MSC: variants seen among roughly 807,000 people sequenced by gnomAD.
MSC encodes the protein musculin, also known as activated B-cell factor 1, homolog of mouse musculin.
In MSC, 16 loss-of-function variants were observed where a neutral mutation model predicts 14.4. The observed-to-expected ratio is 1.11, with a 90% confidence interval of 0.75 to 1.69. The LOEUF is 1.69. MSC is among the 40% of genes most tolerant of loss of function. The probability of loss-of-function intolerance (pLI) is 0.00; values close to 1 mark genes in which losing one functional copy is unlikely to be tolerated. For synonymous variants in MSC, 165 were observed against 128.5 expected, an observed-to-expected ratio of 1.28 and a Z score of -1.92; for missense variants, 320 against 288.1, an observed-to-expected ratio of 1.11 and a Z score of -0.80.
Position 71,843,738 on chromosome 8 carries a change from G to T in MSC, c.441C>A (p.Asp147Glu). The T allele has an allele frequency of 6.2e-7, 1 of 1,614,082 alleles. No homozygotes were observed. The highest frequency in any genetic ancestry group is 2.2e-5 in the East Asian group (1 of 44,898). Residue 147 changes from aspartate to glutamate, a missense_variant, in exon 1 of 2, where the codon GAC becomes GAA. Physicochemically the swap from Asp to Glu is conservative, Grantham distance 45 (BLOSUM62 2). Transcript: ENST00000325509. The part of the protein sequence containing the change: ...VPPDTKLSKL[D>E]TLRLASSYIA... ...TGTAACTGGAAGCCAGCCGGAGCGTGTCCAGCTTGGAGAGCTTAGTGTCGG... is the reference window on the plus strand; with the variant it reads ...TGTAACTGGAAGCCAGCCGGAGCGTTTCCAGCTTGGAGAGCTTAGTGTCGG...
At position 71,842,283 on chromosome 8, in the gene MSC, G is replaced by A. The variant is rs1807397831; in HGVS notation, c.*378C>T. On this transcript the variant is annotated 3_prime_UTR_variant, in exon 2 of 2. Transcript: ENST00000325509. ...CGAAAGGCCGGGGCTGTGTGGAACC[G>A]TCCCGCACGTGTGCGATGAATCTGG... 1 of 300,486 alleles carries A rather than the reference G, an allele frequency of 3.3e-6. No homozygotes were observed. The highest frequency in any genetic ancestry group is 4.1e-5 in the Admixed American group (1 of 24,542). 18.6% of individuals were successfully genotyped at this position (300,486 alleles called of 1,614,324 possible).
rs889461929 is a variant in MSC, at chr8:71,844,009, T to C, written c.170A>G (p.Glu57Gly). The C allele has an allele frequency of 1.3e-5, 21 of 1,573,732 alleles. No individual in the cohort carries two copies. The highest frequency in any genetic ancestry group is 1.7e-5 in the Non-Finnish European group (20 of 1,161,186). Residue 57 changes from glutamate to glycine, a missense_variant, in exon 1 of 2, where the codon GAG (glutamate) becomes GGG (glycine). By Grantham distance (98) the Glu-to-Gly change is moderately conservative. Transcript: ENST00000325509. ...AEEEDPDGEE[E>G]RCALGTAGSA... ...GCCGGCTGTGCCCAGAGCGCAGCGCTCCTCCTCGCCGTCGGGGTCCTCCTC... is the reference window on the plus strand; with the variant it reads ...GCCGGCTGTGCCCAGAGCGCAGCGCCCCTCCTCGCCGTCGGGGTCCTCCTC...
rs1807467063 is a variant in MSC at position 71,844,411 on chromosome 8, G to A, written c.-233C>T. On this transcript the variant is annotated 5_prime_UTR_variant, in exon 1 of 2. Transcript: ENST00000325509. Reference sequence around the variant, plus strand: ...GAGTTGGCGCCCAAGTCCAGAATCCGCGCGCACCGCGGTAAGCTGCGCCTT... The same window carrying A: ...GAGTTGGCGCCCAAGTCCAGAATCCACGCGCACCGCGGTAAGCTGCGCCTT... 1 of 703,400 alleles carries A rather than the reference G, an allele frequency of 1.4e-6. No homozygotes were observed. Among genetic ancestry groups the A allele is most frequent in the Non-Finnish European group, 2.6e-6 (1 of 389,278 alleles). The allele number at this position is 703,400 out of a possible 1,614,324, so 43.6% of individuals were successfully genotyped here. A position where few individuals can be genotyped will look rare whatever the true frequency, so the allele number is the denominator to read the frequency against.
rs1039458282 is a variant in MSC, at chr8:71,842,520, G to T, written c.*141C>A. ...GACAGCCACACCCGCCACCTGTCACGATCACAGTTCCAGGGAAAGGGGAAG... is the reference window on the plus strand; with the variant it reads ...GACAGCCACACCCGCCACCTGTCACTATCACAGTTCCAGGGAAAGGGGAAG... On this transcript the variant is annotated 3_prime_UTR_variant, in exon 2 of 2. Transcript: ENST00000325509. 12 of 848,554 alleles carry T rather than the reference G, an allele frequency of 1.4e-5. No homozygotes were observed. In the Admixed American group the frequency reaches 1.6e-4, roughly 11 times the overall value. 52.6% of individuals were successfully genotyped at this position (848,554 alleles called of 1,614,324 possible). A position where few individuals can be genotyped will look rare whatever the true frequency, so the allele number is the denominator to read the frequency against.
At chr8:71,842,961 G>A (rs1023525132) in intron 1 of MSC, 1 of 499,258 alleles carries the variant, frequency 2.0e-6, no homozygotes, top group African/African-American at 2.0e-5. Context: ...CTTCTTCCTG[G>A]ACTTTGCCCG....
intron 1 of MSC, 52 bp from the exon 2 acceptor site, chr8:71,842,799 C>A (rs529650906): frequency 2.6e-6 from 4 of 1,526,600 alleles, no homozygotes; most frequent in East Asian, 2.3e-5. Flanking sequence ...TGTCTCAAAC[C>A]GAAACAGCTC....
At position 71,843,788 on chromosome 8, in the gene MSC, T is replaced by G; in HGVS notation, c.391A>C (p.Lys131Gln). 1 of 1,613,918 alleles carries G rather than the reference T, an allele frequency of 6.2e-7. No individual in the cohort carries two copies. Among genetic ancestry groups the G allele is most frequent in the East Asian group, 2.2e-5 (1 of 44,882 alleles). The part of the protein sequence containing the change: ...RVLSKAFSRL[K>Q]TSLPWVPPDT... ...GGGGGCACCCAGGGCAGGCTGGTCT[T>G]GAGCCTGGAGAAGGCTTTGCTCAGC... The change falls in exon 1 of 2, where the codon AAG becomes CAG. Residue 131 changes from lysine (K) to glutamine (Q), a missense_variant. By Grantham distance (53) the Lys-to-Gln change is moderately conservative (BLOSUM62 1). Transcript: ENST00000325509.
rs1807458958 is a variant in MSC, at chr8:71,844,121, C to T, written c.58G>A (p.Glu20Lys). 6.6e-7 allele frequency: 1 copy of T among 1,525,006 alleles called. No individual in the cohort carries two copies. The highest frequency in any genetic ancestry group is 1.4e-5 in the African/African-American group (1 of 72,132). The allele number at this position is 1,525,006 out of a possible 1,614,324, so 94.5% of individuals were successfully genotyped here. A position where few individuals can be genotyped will look rare whatever the true frequency, so the allele number is the denominator to read the frequency against. ...CTCTTGGAGGCGGGGACCGGGTACT[C>T]CCGCTGCAGCCCCCGAAGCTCCATC... is the stretch of plus-strand genomic sequence containing the variant. ...EEMELRGLQREYPVPASKRPP... is the reference protein window; with the variant it reads ...EEMELRGLQRKYPVPASKRPP... Residue 20 changes from glutamate (E) to lysine (K), a missense_variant, in exon 1 of 2, where the codon GAG (glutamate) becomes AAG (lysine). Transcript: ENST00000325509.
chr8:71,841,910 A>G lies in MSC; in HGVS notation c.*751T>C. On this transcript the variant is annotated 3_prime_UTR_variant, in exon 2 of 2. Coordinates refer to ENST00000325509, the MANE Select transcript of MSC (RefSeq NM_005098.4). ...GGGCTTGGGGAGGCTTCAGCCCAGAAGTGGAGAGGGTTGACAGACGCCTGC... is the reference window on the plus strand; with the variant it reads ...GGGCTTGGGGAGGCTTCAGCCCAGAGGTGGAGAGGGTTGACAGACGCCTGC... 6.5e-6 allele frequency: 1 copy of G among 152,748 alleles called. No individual in the cohort carries two copies. Among genetic ancestry groups the G allele is most frequent in the Non-Finnish European group, 1.5e-5 (1 of 68,354 alleles). The allele number at this position is 152,748 out of a possible 1,614,324, so 9.5% of individuals were successfully genotyped here. A position where few individuals can be genotyped will look rare whatever the true frequency, so the allele number is the denominator to read the frequency against.
At position 71,843,918 on chromosome 8, in the gene MSC, C is replaced by G; in HGVS notation, c.261G>C (p.Ala87=). The change falls in exon 1 of 2, where the codon GCG becomes GCC. Residue 87 remains alanine, a synonymous_variant. Transcript: ENST00000325509. ...GGAGGGGCTTCTTGCCACCACCGCC[C>G]GCGCTACCACCTGCGCCGCCGCCCC... ...VAGGGGAGGS[A]GGGGKKPLPA... is the part of the protein sequence containing the mutation. The G allele has an allele frequency of 4.4e-6, 7 of 1,579,462 alleles. No homozygotes were observed. Among genetic ancestry groups the G allele is most frequent in the Non-Finnish European group, 6.0e-6 (7 of 1,164,680 alleles).
At position 71,844,389 on chromosome 8, in the gene MSC, T is replaced by C; in HGVS notation, c.-211A>G. 2 of 743,328 alleles carry C rather than the reference T, an allele frequency of 2.7e-6. No homozygotes were observed. The highest frequency in any genetic ancestry group is 4.5e-4 in the Middle Eastern group (2 of 4,422). The allele number at this position is 743,328 out of a possible 1,614,324, so 46.0% of individuals were successfully genotyped here. ...GACCCCGGGGAGCGTGGACTACGAG[T>C]TGGCGCCCAAGTCCAGAATCCGCGC... On this transcript the variant is annotated 5_prime_UTR_variant, in exon 1 of 2. Transcript: ENST00000325509.
intron 1 of MSC, chr8:71,843,432 C>G: frequency 1.4e-6 from 1 of 699,954 alleles, no homozygotes; most frequent in Non-Finnish European, 2.6e-6. Context: ...ATGTTCAGAA[C>G]GATGCAAACA....
Position 71,844,336 on chromosome 8 carries a change from G to C in MSC, c.-158C>G. 1 of 1,080,900 alleles carries C rather than the reference G, an allele frequency of 9.3e-7. No homozygotes were observed. Among genetic ancestry groups the C allele is most frequent in the South Asian group, 1.3e-5 (1 of 74,290 alleles). 67.0% of individuals were successfully genotyped at this position (1,080,900 alleles called of 1,614,324 possible). On this transcript the variant is annotated 5_prime_UTR_variant, in exon 1 of 2. Transcript: ENST00000325509. The stretch of plus-strand genomic sequence containing the variant: ...AGCGCGGGGTGAGAAAGCGAGGTGG[G>C]TGGCGAGAGCGTGAGCGCCCCTCTG...
chr8:71,842,882 C>G (rs1248482475), intron 1 of MSC, 135 bp from the exon 2 acceptor site: 1 of 779,682 alleles, frequency 1.3e-6, no homozygotes, highest in African/African-American at 1.7e-5. Flanking sequence ...ATTTGCATGT[C>G]CTCTCTCTGA....
At position 71,844,171 on chromosome 8, in the gene MSC, G is replaced by A; in HGVS notation, c.8C>T (p.Thr3Met). MS[T>M]GSVSDPEEME... ...CTCCTCCGGATCACTCACCGAGCCC[G>A]TGGACATCCCGTTGTCCCCCTTGCC... The change falls in exon 1 of 2, where the codon ACG becomes ATG. Residue 3 changes from threonine (T) to methionine (M), a missense_variant. Transcript: ENST00000325509. The A allele has an allele frequency of 6.4e-7, 1 of 1,563,580 alleles. No individual in the cohort carries two copies. Among genetic ancestry groups the A allele is most frequent in the Non-Finnish European group, 8.7e-7 (1 of 1,153,404 alleles).
intron 1 of MSC, chr8:71,843,118 T>C (rs1166360713): frequency 5.9e-6 from 2 of 336,604 alleles, no homozygotes; most frequent in Non-Finnish European, 1.1e-5. Context: ...GAACTGGGCT[T>C]GGACAGGATT....
chr8:71,844,151 C>T lies in MSC; in HGVS notation c.28G>A (p.Glu10Lys). The T allele has an allele frequency of 3.9e-6, 6 of 1,545,714 alleles. No individual in the cohort carries two copies. The highest frequency in any genetic ancestry group is 2.0e-5 in the Admixed American group (1 of 50,870). ...TGCAGCCCCCGAAGCTCCATCTCCT[C>T]CGGATCACTCACCGAGCCCGTGGAC... The part of the protein sequence containing the change: MSTGSVSDP[E>K]EMELRGLQRE... Residue 10 changes from glutamate (E) to lysine (K), a missense_variant, in exon 1 of 2, where the codon GAG (glutamate) becomes AAG (lysine). Transcript: ENST00000325509.
rs1807408881 is a variant in MSC at position 71,842,678 on chromosome 8, A to G, written c.604T>C (p.Cys202Arg). The change falls in exon 2 of 2, where the codon TGT becomes CGT. Residue 202 changes from cysteine to arginine, a missense_variant. By Grantham distance (180) the Cys-to-Arg change is radical. Transcript: ENST00000325509. Reference sequence around the variant, plus strand: ...AGTCCGATTTAAGCGGTGGTTCCACATAGTCTGTTGGCTGCGGAAACTTCT... The same window carrying G: ...AGTCCGATTTAAGCGGTGGTTCCACGTAGTCTGTTGGCTGCGGAAACTTCT... ...TKEVSAANRL[C>R]GTTA 6.2e-7 allele frequency: 1 copy of G among 1,614,120 alleles called. No homozygotes were observed. Among genetic ancestry groups the G allele is most frequent in the Admixed American group, 1.7e-5 (1 of 60,028 alleles).
rs1196637855 is a variant in MSC at position 71,843,031 on chromosome 8, AACACACACACACACACACGCACAC to A, written c.535-308_535-285del. On this transcript the variant is annotated intron_variant, in intron 1 of 1. Coordinates refer to ENST00000325509, the MANE Select transcript of MSC (RefSeq NM_005098.4). ...GTTCTGTCGTTTAGTTCCCTTCCCC[AACACACACACACACACACGCACAC>A]ACACACACACACACACACACACACA... 2,578 of 268,950 alleles carry A rather than the reference AACACACACACACACACACGCACAC, an allele frequency of 9.6e-3. 80 individuals carry two copies. The highest frequency in any genetic ancestry group is 0.089 in the African/African-American group (2,373 of 26,542). The allele number at this position is 268,950 out of a possible 1,614,324, so 16.7% of individuals were successfully genotyped here.
Sources: allele counts gnomAD v4.1 joint callset, GRCh38; gene constraint gnomAD v4.1.1; transcripts MANE v1.5; gene names NCBI Gene and HGNC (gene_info 2026-07-23, HGNC 2026-07-21).